CSMD1: variants seen among roughly 807,000 people sequenced by gnomAD.
CSMD1 encodes CUB and Sushi multiple domains 1.
Under a neutral mutation model 417.5 loss-of-function variants are expected in CSMD1, and 213 were observed. The observed-to-expected ratio is 0.51, with a 90% CI of 0.46 to 0.57. The LOEUF (loss-of-function observed/expected upper bound fraction) is 0.57. Ranked by LOEUF, CSMD1 falls within the 20% of genes least tolerant of loss-of-function variation. CSMD1 has a pLI of 0.00. For synonymous variants in CSMD1, 2,862 were observed against 1,736.8 expected, an observed-to-expected ratio of 1.65 and a Z score of -16.11; for missense variants, 6,923 against 4,529.7, an observed-to-expected ratio of 1.53 and a Z score of -15.17.
chr8:4,119,029 G>T (rs1025358461), intron 3 of CSMD1, among the ~76,000 whole-genome samples: 1 of 152,142 alleles, frequency 6.6e-6, no homozygotes, highest in Admixed American at 6.5e-5. Flanking sequence ...CTCATAAGTG[G>T]GAGTTGAATA....
At chr8:3,921,016 G>T (rs563608665) in intron 5 of CSMD1, among the ~76,000 whole-genome samples, 1 of 152,096 alleles carries the variant, frequency 6.6e-6, no homozygotes, top group Non-Finnish European at 1.5e-5. Context: ...CTCTTCTTCA[G>T]GTTTCCGAAA....
chr8:4,199,240 A>G (rs906845421), intron 3 of CSMD1, among the ~76,000 whole-genome samples: 3 of 152,238 alleles, frequency 2.0e-5, no homozygotes, highest in Admixed American at 6.5e-5. Flanking sequence ...GACCTAGCCT[A>G]TAGTGTGAAC....
intron 5 of CSMD1, among the ~76,000 whole-genome samples, chr8:3,859,760 C>A (rs150626980): frequency 1.3e-5 from 2 of 152,284 alleles, no homozygotes; most frequent in African/African-American, 4.8e-5. Context: ...GCTGACAATC[C>A]TGAATACTGC....
Position 4,675,555 on chromosome 8 carries a change from A to G in CSMD1, c.86-37997T>C, listed in dbSNP as rs1032210965. 4.6e-5 allele frequency among the ~76,000 whole-genome samples: 7 copies of G among 152,336 alleles called. No homozygotes were observed. In the East Asian group the frequency reaches 1.2e-3, roughly 25 times the overall value. ...GTTCTGAGAATGGTTTGATATTTCA[A>G]TGTAGAGACAATAAAGGCCTAAGTT... On this transcript the variant is annotated intron_variant, in intron 1 of 69. Coordinates refer to ENST00000635120, the MANE Select transcript of CSMD1 (RefSeq NM_033225.6).
At chr8:4,044,615 G>C (rs956179812) in intron 3 of CSMD1, among the ~76,000 whole-genome samples, 2 of 148,772 alleles carry the variant, frequency 1.3e-5, no homozygotes, top group Non-Finnish European at 3.0e-5. Context: ...TTCTTCTCTC[G>C]TGCAATAAGA....
intron 5 of CSMD1, among the ~76,000 whole-genome samples, chr8:3,879,520 T>C (rs1806063454): frequency 6.6e-6 from 1 of 152,192 alleles, no homozygotes; most frequent in South Asian, 2.1e-4. Flanking sequence ...GCAAGGAAGA[T>C]GTAGCTCCTC....
At chr8:3,035,148 T>TA (rs1810589410) in intron 50 of CSMD1, among the ~76,000 whole-genome samples, 5 of 152,172 alleles carry the variant, frequency 3.3e-5, no homozygotes, top group Non-Finnish European at 5.9e-5. Context: ...AAAAATATCT[T>TA]AGCTAGATCT....
chr8:3,837,349 T>C (rs965366994), intron 5 of CSMD1, among the ~76,000 whole-genome samples: 1 of 152,162 alleles, frequency 6.6e-6, no homozygotes, highest in Non-Finnish European at 1.5e-5. Context: ...AGCCCCAGGC[T>C]GGAGCTATAT....
At chr8:2,983,192 T>C (rs1362326636) in intron 54 of CSMD1, among the ~76,000 whole-genome samples, 2 of 152,140 alleles carry the variant, frequency 1.3e-5, no homozygotes, top group East Asian at 1.9e-4. Flanking sequence ...TACATACATA[T>C]ATATTTTTTT....
At chr8:4,325,993 G>T (rs67410369) in intron 3 of CSMD1, among the ~76,000 whole-genome samples, 2 of 152,028 alleles carry the variant, frequency 1.3e-5, no homozygotes, top group East Asian at 3.9e-4. Context: ...CCTGGGGTAC[G>T]AACTCAGTAA....
intron 3 of CSMD1, among the ~76,000 whole-genome samples, chr8:4,057,828 A>C (rs2130724605): frequency 6.6e-6 from 1 of 152,262 alleles, no homozygotes; most frequent in East Asian, 1.9e-4. Flanking sequence ...AGGTTTGTCA[A>C]AGATCAGATA....
chr8:4,673,762 G>A (rs959806559), intron 1 of CSMD1, among the ~76,000 whole-genome samples: 5 of 152,096 alleles, frequency 3.3e-5, no homozygotes, highest in African/African-American at 9.7e-5. Flanking sequence ...AGTCACAAAA[G>A]GTCACACATT....
chr8:4,930,762 G>A (rs1414847277), intron 1 of CSMD1, among the ~76,000 whole-genome samples: 1 of 152,140 alleles, frequency 6.6e-6, no homozygotes, highest in East Asian at 1.9e-4. Context: ...GCTAGAAAGT[G>A]TTAAAGTACA....
At chr8:4,187,371 G>A (rs1798744105) in intron 3 of CSMD1, among the ~76,000 whole-genome samples, 1 of 152,160 alleles carries the variant, frequency 6.6e-6, no homozygotes, top group Admixed American at 6.5e-5. Context: ...TTTGGGCCAG[G>A]CACGGTGGCT....
chr8:4,256,737 G>GGGCA (rs1803483526), intron 3 of CSMD1, among the ~76,000 whole-genome samples: 2 of 152,004 alleles, frequency 1.3e-5, no homozygotes, highest in South Asian at 4.1e-4. Context: ...GCACAGTTAC[G>GGGCA]GGCAGTGAGG....
At chr8:3,101,641 G>T (rs1461366215) in intron 46 of CSMD1, among the ~76,000 whole-genome samples, 1 of 151,870 alleles carries the variant, frequency 6.6e-6, no homozygotes, top group South Asian at 2.1e-4. Flanking sequence ...TACCCAGGAT[G>T]GTCTCGATCT....
intron 10 of CSMD1, among the ~76,000 whole-genome samples, chr8:3,509,906 G>C (rs145050868): frequency 5.3e-5 from 8 of 152,224 alleles, no homozygotes; most frequent in African/African-American, 1.7e-4. Flanking sequence ...CCAGTGAAGC[G>C]ATGAGGGCAA....
chr8:3,128,584 A>G (rs1817632680), intron 41 of CSMD1: 1 of 290,124 alleles, frequency 3.4e-6, no homozygotes, highest in Non-Finnish European at 6.7e-6. Flanking sequence ...TTTGACTTAC[A>G]TATCAGAGTT....
At chr8:3,406,281 TAAAAA>T (rs1173707919) in intron 14 of CSMD1, 60 bp from the exon 15 acceptor site, 43 of 1,366,080 alleles carry the variant, frequency 3.1e-5, no homozygotes, top group Non-Finnish European at 4.2e-5. Flanking sequence ...TTACATGTAT[TAAAAA>T]AGAAGAAAAC....
Sources: gnomAD v4.1 joint callset for allele counts (sites outside exome capture counted in the v4.1 genomes callset) on GRCh38, gnomAD v4.1.1 for gene constraint, MANE v1.5 for transcripts, NCBI Gene and HGNC (gene_info 2026-07-23, HGNC 2026-07-21) for gene names.